DCAF10: variants seen among roughly 807,000 people sequenced by gnomAD.
DCAF10 encodes the protein DDB1 and CUL4 associated factor 10.
A neutral mutation model predicts 51.9 loss-of-function variants in DCAF10; 19 were observed. The observed-to-expected ratio is 0.37, with a 90% CI of 0.26 to 0.54. The LOEUF (loss-of-function observed/expected upper bound fraction) is 0.54, where lower values mean the gene tolerates loss of function less well. Among genes scored for constraint, DCAF10 ranks in the 20% least tolerant of loss-of-function variants. The pLI, the probability that DCAF10 is intolerant of heterozygous loss-of-function variation, is 0.87. For missense variants in DCAF10, 510 were observed against 730.6 expected (o/e 0.70, Z 3.48); for synonymous variants, 291 against 297.1 (o/e 0.98, Z 0.21).
chr9:37,847,553 A>C (rs1048974438), intron 3 of DCAF10, among the ~76,000 whole-genome samples: 1 of 152,220 alleles, frequency 6.6e-6, no homozygotes, highest in Admixed American at 6.5e-5. Flanking sequence ...AAAAGCTAAG[A>C]ATCTTGCTTA....
chr9:37,800,647 GGT>G (rs1491549772), upstream of DCAF10: 4 of 1,536,100 alleles, frequency 2.6e-6, no homozygotes, highest in East Asian at 9.8e-5. Context: ...CGCTCACACA[GGT>G]AACTACTCGC....
intron 2 of DCAF10, among the ~76,000 whole-genome samples, chr9:37,822,019 C>T (rs540492363): frequency 6.6e-6 from 1 of 152,142 alleles, no homozygotes; most frequent in Admixed American, 6.5e-5. Flanking sequence ...TGAAAAAATG[C>T]TGAACATCAC....
At position 37,861,065 on chromosome 9, in the gene DCAF10, T is replaced by C; in HGVS notation, c.1312-75T>C. 6.7e-7 allele frequency: 1 copy of C among 1,503,370 alleles called. No homozygotes were observed. The highest frequency in any genetic ancestry group is 2.1e-5 in the Admixed American group (1 of 46,620). The allele number at this position is 1,503,370 out of a possible 1,614,324, so 93.1% of individuals were successfully genotyped here. On this transcript the variant is annotated intron_variant, in intron 6 of 6. Transcript: ENST00000377724. This position sits in a 1 kb window ranked among gnomAD's most constrained non-coding sequence, Gnocchi z 4.9. Reference sequence around the variant, plus strand: ...CTGTGGCTTTGGCAATCTGTTGAGCTTTTTAAAAATAAGGAATATCTGTAG... The same window carrying C: ...CTGTGGCTTTGGCAATCTGTTGAGCCTTTTAAAAATAAGGAATATCTGTAG...
chr9:37,865,109 G>A lies in DCAF10; in HGVS notation c.*3601G>A, dbSNP rs145974036. 126 of 151,484 alleles carry A rather than the reference G, an allele frequency of 8.3e-4. No homozygotes were observed. The highest frequency in any genetic ancestry group is 2.7e-3 in the African/African-American group (112 of 41,256). The allele number at this position is 151,484 out of a possible 1,614,324, so 9.4% of individuals were successfully genotyped here. On this transcript the variant is annotated 3_prime_UTR_variant, in exon 7 of 7. Coordinates refer to ENST00000377724, the MANE Select transcript of DCAF10 (RefSeq NM_024345.5). Reference sequence around the variant, plus strand: ...TTTTTAATTATAGAGCTAGCTTACCGTGTGTATCATGTAAAAAAAATTCAT... The same window carrying A: ...TTTTTAATTATAGAGCTAGCTTACCATGTGTATCATGTAAAAAAAATTCAT...
rs1831031941 is a variant in DCAF10 at position 37,861,934 on chromosome 9, G to A, written c.*426G>A. On this transcript the variant is annotated 3_prime_UTR_variant, in exon 7 of 7. Coordinates refer to ENST00000377724, the MANE Select transcript of DCAF10 (RefSeq NM_024345.5). This position sits in a 1 kb window ranked among gnomAD's most constrained non-coding sequence, Gnocchi z 4.9. ...GGGGTAGGAGAAACCCATGACATTA[G>A]AATTGAATAAAACCTAGAAGTTGGA... is the stretch of plus-strand genomic sequence containing the variant. 6.1e-6 allele frequency: 1 copy of A among 163,830 alleles called. No homozygotes were observed. Among genetic ancestry groups the A allele is most frequent in the African/African-American group, 2.4e-5 (1 of 41,670 alleles). The allele number at this position is 163,830 out of a possible 1,614,324, so 10.1% of individuals were successfully genotyped here. A position where few individuals can be genotyped will look rare whatever the true frequency, so the allele number is the denominator to read the frequency against.
chr9:37,865,786 C>T lies in DCAF10; in HGVS notation c.*4278C>T, dbSNP rs1025590851. The T allele has an allele frequency of 6.6e-6, 1 of 152,080 alleles. No individual in the cohort carries two copies. The highest frequency in any genetic ancestry group is 1.5e-5 in the Non-Finnish European group (1 of 68,008). The allele number at this position is 152,080 out of a possible 1,614,324, so 9.4% of individuals were successfully genotyped here. On this transcript the variant is annotated 3_prime_UTR_variant, in exon 7 of 7. Coordinates refer to ENST00000377724, the MANE Select transcript of DCAF10 (RefSeq NM_024345.5). ...AAAGCACATGTATATTTTGTTATTT[C>T]TCCTTGCTATATTCCTGAGACTATA...
chr9:37,843,008 G>C (rs1460648738), intron 3 of DCAF10, among the ~76,000 whole-genome samples: 1 of 152,146 alleles, frequency 6.6e-6, no homozygotes, highest in Non-Finnish European at 1.5e-5. Context: ...GATCATTTCT[G>C]TGTATATTTG....
intron 2 of DCAF10, 81 bp downstream of exon 2, chr9:37,819,482 T>G: frequency 1.0e-6 from 1 of 966,738 alleles, no homozygotes; most frequent in Non-Finnish European, 1.6e-6. Flanking sequence ...AATGAAAATG[T>G]TTAATGCCTT....
chr9:37,803,911 T>C (rs139332264), intron 1 of DCAF10, among the ~76,000 whole-genome samples: 1 of 151,872 alleles, frequency 6.6e-6, no homozygotes, highest in East Asian at 1.9e-4. Context: ...ATAAAAAAGA[T>C]AAATGGGTTA....
At position 37,801,467 on chromosome 9, in the gene DCAF10, G is replaced by A; in HGVS notation, c.539+62G>A. On this transcript the variant is annotated intron_variant, in intron 1 of 6. Transcript: ENST00000377724. The surrounding 1 kb of genome is among the most constrained non-coding windows in gnomAD (Gnocchi z 5.5). ...CGCCCGGCTCTGCTGCCAGCGGACG[G>A]CCGTCCTGGGCTCGCTCCCCGCGCC... The A allele has an allele frequency of 7.4e-7, 1 of 1,353,914 alleles. No homozygotes were observed. The allele number at this position is 1,353,914 out of a possible 1,614,324, so 83.9% of individuals were successfully genotyped here.
At chr9:37,836,124 C>T (rs558243356) in intron 2 of DCAF10, 2 of 1,333,188 alleles carry the variant, frequency 1.5e-6, no homozygotes, top group African/African-American at 1.4e-5. Context: ...AGTACACGAA[C>T]CTCCAAGGAA....
At chr9:37,822,576 T>G (rs539625426) in intron 2 of DCAF10, among the ~76,000 whole-genome samples, 3 of 151,916 alleles carry the variant, frequency 2.0e-5, no homozygotes, top group Non-Finnish European at 4.4e-5. Flanking sequence ...CCCACTGATA[T>G]GTGGGACCTA....
At chr9:37,806,360 C>T (rs1258732923) in intron 1 of DCAF10, among the ~76,000 whole-genome samples, 1 of 152,184 alleles carries the variant, frequency 6.6e-6, no homozygotes, top group African/African-American at 2.4e-5. Context: ...AAGAGACTGT[C>T]AGCAAACATC....
chr9:37,810,848 T>C (rs1829321487), intron 1 of DCAF10, among the ~76,000 whole-genome samples: 1 of 152,010 alleles, frequency 6.6e-6, no homozygotes, highest in Admixed American at 6.6e-5. Context: ...AGGTTTGGGA[T>C]TGAAACTCCC....
chr9:37,811,812 C>G (rs1422235939), intron 1 of DCAF10, among the ~76,000 whole-genome samples: 1 of 152,036 alleles, frequency 6.6e-6, no homozygotes, highest in Non-Finnish European at 1.5e-5. Flanking sequence ...AATATTTGAA[C>G]AGATAATGGA....
rs1831091826 is a variant in DCAF10, at chr9:37,864,432, A to C, written c.*2924A>C. 6.6e-6 allele frequency: 1 copy of C among 151,604 alleles called. No homozygotes were observed. Among genetic ancestry groups the C allele is most frequent in the African/African-American group, 2.4e-5 (1 of 41,204 alleles). The allele number at this position is 151,604 out of a possible 1,614,324, so 9.4% of individuals were successfully genotyped here. ...CCCTGTCTCTACCAAAAATACAAAA[A>C]TCATAGCCAAGCGTGGTGGCAGGTG... On this transcript the variant is annotated 3_prime_UTR_variant, in exon 7 of 7. Transcript: ENST00000377724.
intron 3 of DCAF10, among the ~76,000 whole-genome samples, chr9:37,846,770 A>T (rs1374749984): frequency 6.6e-6 from 1 of 152,142 alleles, no homozygotes; most frequent in East Asian, 1.9e-4. Context: ...TTGGTAATTT[A>T]AAAATACTCC....
Position 37,801,349 on chromosome 9 carries a change from G to A in DCAF10, c.483G>A (p.Val161=). The A allele has an allele frequency of 6.3e-7, 1 of 1,577,968 alleles. No individual in the cohort carries two copies. The highest frequency in any genetic ancestry group is 1.8e-5 in the Admixed American group (1 of 55,864). Residue 161 remains valine (V), a synonymous_variant, in exon 1 of 7, where the codon GTG becomes GTA. Coordinates refer to ENST00000377724, the MANE Select transcript of DCAF10 (RefSeq NM_024345.5). This position sits in a 1 kb window ranked among gnomAD's most constrained non-coding sequence, Gnocchi z 5.5. ...GTTCCATCCACCCCGCGGACTCGGT[G>A]TACCTCAGCACCCGCACCCACGGCG... ...LYGSIHPADS[V]YLSTRTHGAV...
rs781445108 is a variant in DCAF10 at position 37,854,803 on chromosome 9, A to G, written c.875A>G (p.His292Arg). The G allele has an allele frequency of 1.2e-6, 2 of 1,614,026 alleles. No homozygotes were observed. The highest frequency in any genetic ancestry group is 1.7e-5 in the Admixed American group (1 of 60,022). The change falls in exon 4 of 7, where the codon CAT becomes CGT. Residue 292 changes from histidine (H) to arginine (R), a missense_variant. Physicochemically the swap from His to Arg is conservative, Grantham distance 29. Around this residue, in one of 4 missense-constraint regions of DCAF10, gnomAD observed 126 missense variants for 271.5 expected, o/e 0.46. Transcript: ENST00000377724. ...TNRYTEDGCP[H>R]KKFFHTRFLM... is the part of the protein sequence containing the mutation. ...AGGTATACAGAAGATGGGTGTCCAC[A>G]TAAGAAATTCTTTCACACACGTTTT...
Sources: gnomAD v4.1 joint callset for allele counts (sites outside exome capture counted in the v4.1 genomes callset) on GRCh38, gnomAD v4.1.1 for gene constraint, gnomAD v4.1.1 regional missense constraint, Gnocchi (gnomAD v3.1) non-coding constraint, MANE v1.5 for transcripts, NCBI Gene and HGNC (gene_info 2026-07-23, HGNC 2026-07-21) for gene names.